The following ERICH1 variants were observed in gnomAD, a reference collection of about 807,000 sequenced individuals.
The protein encoded by ERICH1 is glutamate rich 1, also known as glutamate-rich protein 1.
A neutral mutation model predicts 39.6 loss-of-function variants in ERICH1; 56 were observed. That is an observed-to-expected ratio of 1.41 (90% CI 1.14 to 1.77). ERICH1 has a LOEUF of 1.77. Among genes scored for constraint, ERICH1 ranks in the 40% most tolerant of loss-of-function variants. The pLI, the probability that ERICH1 is intolerant of heterozygous loss-of-function variation, is 0.00. For missense variants in ERICH1, 826 were observed against 575.4 expected (o/e 1.44, Z -4.45); for synonymous variants, 313 against 223.6 (o/e 1.40, Z -3.57).
intron 1 of ERICH1, among the ~76,000 whole-genome samples, chr8:718,654 G>A (rs1174415183): frequency 6.6e-6 from 1 of 152,192 alleles, no homozygotes; most frequent in Non-Finnish European, 1.5e-5. Flanking sequence ...GCCACCCTGG[G>A]AGTCACAAGC....
intron 3 of ERICH1, among the ~76,000 whole-genome samples, chr8:629,535 C>T (rs13282994): frequency 7.4e-6 from 1 of 134,878 alleles, no homozygotes; most frequent in African/African-American, 2.9e-5. Flanking sequence ...TGACACACAC[C>T]CTCCTGTGAG....
chr8:632,512 A>C (rs1015580125), intron 3 of ERICH1, among the ~76,000 whole-genome samples: 1 of 152,258 alleles, frequency 6.6e-6, no homozygotes, highest in Non-Finnish European at 1.5e-5. Flanking sequence ...GAACAAATTT[A>C]TGAACATTGT....
chr8:705,220 C>G (rs1436808207), intron 2 of ERICH1, among the ~76,000 whole-genome samples: 3 of 152,262 alleles, frequency 2.0e-5, no homozygotes, highest in Non-Finnish European at 4.4e-5. Flanking sequence ...GATGTGGGCA[C>G]TGTTCCTCAT....
chr8:684,842 G>A (rs563898725), intron 3 of ERICH1, among the ~76,000 whole-genome samples: 22 of 152,320 alleles, frequency 1.4e-4, no homozygotes, highest in African/African-American at 4.8e-4. Flanking sequence ...TCAAAGGGGA[G>A]GGAGTGTACA....
chr8:703,394 G>A (rs569123412), intron 2 of ERICH1, among the ~76,000 whole-genome samples: 2 of 152,164 alleles, frequency 1.3e-5, no homozygotes, highest in African/African-American at 4.8e-5. Context: ...CTGAATCCTA[G>A]AATGGCAGCC....
chr8:692,983 C>A (rs904848019), intron 2 of ERICH1, among the ~76,000 whole-genome samples: 2 of 152,160 alleles, frequency 1.3e-5, no homozygotes, highest in East Asian at 1.9e-4. Context: ...CACGAGGAGT[C>A]CCTGGGGATT....
chr8:681,510 G>A (rs559727156), intron 3 of ERICH1, among the ~76,000 whole-genome samples: 1 of 152,338 alleles, frequency 6.6e-6, no homozygotes, highest in African/African-American at 2.4e-5. Context: ...TACAAAGAAT[G>A]CAAGAGTAAT....
intron 5 of ERICH1, chr8:668,308 A>C: frequency 1.6e-5 from 7 of 430,832 alleles, no homozygotes; most frequent in Non-Finnish European, 1.7e-5. Context: ...AGAGGAAGAA[A>C]TGAATTCATT....
At chr8:622,446 G>A (rs975741427) in intron 3 of ERICH1, among the ~76,000 whole-genome samples, 8 of 152,176 alleles carry the variant, frequency 5.3e-5, no homozygotes, top group Non-Finnish European at 1.0e-4. Context: ...TGAGGATGCA[G>A]TGAGAAGACA....
intron 2 of ERICH1, among the ~76,000 whole-genome samples, chr8:693,325 A>C (rs960421114): frequency 1.3e-5 from 2 of 152,246 alleles, no homozygotes; most frequent in Non-Finnish European, 2.9e-5. Context: ...TAAGTTATAC[A>C]TTTGTATCTT....
intron 1 of ERICH1, among the ~76,000 whole-genome samples, chr8:728,611 A>C (rs1354636015): frequency 1.3e-5 from 2 of 152,056 alleles, no homozygotes; most frequent in African/African-American, 2.4e-5. Context: ...ATATTCACCC[A>C]ATCTCCCTGG....
rs1799524362 is a variant in ERICH1, at chr8:647,128, G to A, written c.976+21470C>T. Among the ~76,000 whole-genome samples the A allele has an allele frequency of 2.9e-5, 2 of 68,286 alleles. 1 individual carries two copies. The highest frequency in any genetic ancestry group is 7.6e-5 in the African/African-American group (2 of 26,368). 44.8% of individuals were successfully genotyped at this position (68,286 alleles called of 152,430 possible). A position where few individuals can be genotyped will look rare whatever the true frequency, so the allele number is the denominator to read the frequency against. ...CGGGAGTCATGCTCAGGCCCTTGGC[G>A]CGCCCTTGGCAGCGGTTACACGCCC... is the stretch of plus-strand genomic sequence containing the variant. On this transcript the variant is annotated intron_variant, in intron 3 of 3. Transcript: ENST00000522706.
At chr8:688,757 A>G (rs1009658383) in intron 3 of ERICH1, among the ~76,000 whole-genome samples, 25 of 152,344 alleles carry the variant, frequency 1.6e-4, no homozygotes, top group African/African-American at 5.5e-4. Context: ...AATAAAAACA[A>G]TGAAAAGCTG....
chr8:708,306 A>G (rs1208406034), intron 2 of ERICH1, among the ~76,000 whole-genome samples: 1 of 152,218 alleles, frequency 6.6e-6, no homozygotes, highest in Non-Finnish European at 1.5e-5. Flanking sequence ...AAGAGAATCG[A>G]AAACATACGT....
chr8:633,089 CGGAAACCAGTGT>C (rs1218149864), intron 3 of ERICH1, among the ~76,000 whole-genome samples: 3 of 152,070 alleles, frequency 2.0e-5, no homozygotes, highest in East Asian at 1.9e-4. Context: ...CCAGGACAGA[CGGAAACCAGTGT>C]GGAAACCAGT....
intron 5 of ERICH1, 90 bp from the exon 6 acceptor site, chr8:664,766 C>G (rs1034038191): frequency 1.0e-6 from 1 of 998,470 alleles, no homozygotes; most frequent in South Asian, 1.6e-5. Flanking sequence ...GCCTTTGGGC[C>G]CAAAGTGAAC....
intron 3 of ERICH1, among the ~76,000 whole-genome samples, chr8:622,132 G>C (rs1305176999): frequency 8.5e-5 from 13 of 152,176 alleles, no homozygotes; most frequent in Admixed American, 8.5e-4. Flanking sequence ...TGTGGCAGGA[G>C]GACTATTTGA....
chr8:617,597 T>G (rs1797005163), intron 3 of ERICH1, among the ~76,000 whole-genome samples: 1 of 151,410 alleles, frequency 6.6e-6, no homozygotes, highest in Non-Finnish European at 1.5e-5. Flanking sequence ...TGCTTGGTGC[T>G]CCATCTGTTC....
chr8:722,748 A>C (rs1394673180), intron 1 of ERICH1, among the ~76,000 whole-genome samples: 1 of 152,228 alleles, frequency 6.6e-6, no homozygotes, highest in African/African-American at 2.4e-5. Context: ...GAAAAGTGTG[A>C]CTTTCAGAGA....
Sources: allele counts gnomAD v4.1 joint callset (sites outside exome capture counted in the v4.1 genomes callset), GRCh38; gene constraint gnomAD v4.1.1; transcripts MANE v1.5; gene names NCBI Gene and HGNC (gene_info 2026-07-23, HGNC 2026-07-21).